Variants in ITGAE observed in about 807,000 individuals in gnomAD.
The protein encoded by ITGAE is integrin subunit alpha E, also known as integrin alpha-E.
ITGAE carries 99 observed loss-of-function variants against 136.5 expected under a neutral mutation model. That is an observed-to-expected ratio of 0.73 (90% CI 0.62 to 0.86). ITGAE has a LOEUF of 0.86. Ranked by LOEUF, ITGAE falls within the 40% of genes least tolerant of loss-of-function variation. The pLI is 0.00. For synonymous variants in ITGAE, 613 were observed against 591.8 expected, an observed-to-expected ratio of 1.04 and a Z score of -0.52; for missense variants, 1,447 against 1,515.3, an observed-to-expected ratio of 0.95 and a Z score of 0.75.
At chr17:3,763,098 G>A (rs534611663) in intron 3 of ITGAE, among the ~76,000 whole-genome samples, 1 of 152,054 alleles carries the variant, frequency 6.6e-6, no homozygotes, top group Non-Finnish European at 1.5e-5. Flanking sequence ...TCATCATATT[G>A]GCCAGGCTGG....
At chr17:3,740,969 G>A (rs1388696527) in intron 19 of ITGAE, among the ~76,000 whole-genome samples, 1 of 152,154 alleles carries the variant, frequency 6.6e-6, no homozygotes, top group African/African-American at 2.4e-5. Context: ...GCTTGAAAGG[G>A]AACTTTCTAC....
Position 3,748,020 on chromosome 17 carries a change from A to G in ITGAE, c.2057T>C (p.Met686Thr). The change falls in exon 17 of 31, where the codon ATG becomes ACG. Residue 686 changes from methionine (M) to threonine (T), a missense_variant. Physicochemically the swap from Met to Thr is moderately conservative, Grantham distance 81. Coordinates refer to ENST00000263087, the MANE Select transcript of ITGAE (RefSeq NM_002208.5). ...GGGCAGTGCGCTGGGGGTGAAGGCC[A>G]TGGAGACCTTCAGGCGAACCACAGG... is the stretch of plus-strand genomic sequence containing the variant. ...SRPVVRLKVS[M>T]AFTPSALPIG... The G allele has an allele frequency of 1.2e-6, 2 of 1,611,952 alleles. No homozygotes were observed. The highest frequency in any genetic ancestry group is 1.7e-6 in the Non-Finnish European group (2 of 1,178,692).
chr17:3,743,202 A>C (rs2051627475), intron 19 of ITGAE, among the ~76,000 whole-genome samples: 1 of 152,244 alleles, frequency 6.6e-6, no homozygotes, highest in African/African-American at 2.4e-5. Context: ...GATGCAATGT[A>C]TGCATGTGCC....
chr17:3,725,525 G>A, intron 26 of ITGAE: 1 of 1,614,186 alleles, frequency 6.2e-7, no homozygotes, highest in Non-Finnish European at 8.5e-7. Context: ...AAACCTTTGA[G>A]GAAATCCTGC....
At chr17:3,791,624 A>G (rs1300383576) in intron 1 of ITGAE, among the ~76,000 whole-genome samples, 2 of 152,102 alleles carry the variant, frequency 1.3e-5, no homozygotes, top group East Asian at 3.9e-4. Flanking sequence ...GTTTTTTGGG[A>G]GTGAAATGAC....
chr17:3,724,738 A>C (rs1202976980), intron 26 of ITGAE: 1 of 1,614,202 alleles, frequency 6.2e-7, no homozygotes, highest in Admixed American at 1.7e-5. Flanking sequence ...AATATGAGAG[A>C]GTCCTGCTGT....
At chr17:3,739,527 CG>C (rs1272568312) in intron 20 of ITGAE, among the ~76,000 whole-genome samples, 1 of 152,132 alleles carries the variant, frequency 6.6e-6, no homozygotes, top group Non-Finnish European at 1.5e-5. Context: ...TAGCATTGTC[CG>C]GGATGTCAAG....
chr17:3,796,617 T>A (rs992893295), intron 1 of ITGAE, among the ~76,000 whole-genome samples: 1 of 151,840 alleles, frequency 6.6e-6, no homozygotes, highest in African/African-American at 2.4e-5. Context: ...TCCCGTGTTG[T>A]CTGACTTACA....
chr17:3,728,551 T>A (rs1266825711), intron 24 of ITGAE: 1 of 180,112 alleles, frequency 5.6e-6, no homozygotes, highest in Non-Finnish European at 1.2e-5. Flanking sequence ...TTTCATATTT[T>A]CAGTAGAGAC....
At chr17:3,727,621 G>A (rs373215933) in intron 26 of ITGAE, among the ~76,000 whole-genome samples, 6 of 151,958 alleles carry the variant, frequency 3.9e-5, no homozygotes, top group East Asian at 1.9e-4. Context: ...GGATGGTCTC[G>A]ATCTGCTGAC....
Position 3,769,952 on chromosome 17 carries a change from C to T in ITGAE, c.156-5992G>A, listed in dbSNP as rs533293651. 2.6e-5 allele frequency among the ~76,000 whole-genome samples: 4 copies of T among 152,176 alleles called. No individual in the cohort carries two copies. In the South Asian group the frequency reaches 8.3e-4, roughly 32 times the overall value. On this transcript the variant is annotated intron_variant, in intron 2 of 30. Coordinates refer to ENST00000263087, the MANE Select transcript of ITGAE (RefSeq NM_002208.5). ...AGGTGATCTGCCTGCCTTGGCCTTC[C>T]AAAGTGCTGAGACTACAGGCACGAG... is the stretch of plus-strand genomic sequence containing the variant.
intron 1 of ITGAE, among the ~76,000 whole-genome samples, chr17:3,788,253 AT>A (rs1042536768): frequency 4.0e-5 from 6 of 150,946 alleles, no homozygotes; most frequent in African/African-American, 9.7e-5. Context: ...TTCAAAAAAA[AT>A]TTTTTTAGCC....
In ITGAE at chr17:3,761,168, A is replaced by G; in HGVS notation, c.443T>C (p.Leu148Pro). Residue 148 changes from leucine to proline, a missense_variant, in exon 6 of 31, where the codon CTG (leucine) becomes CCG (proline). Leu to Pro is a moderately conservative substitution (Grantham distance 98, BLOSUM62 -3). Transcript: ENST00000263087. ...QANFFDLENL[L>P]DPDARVDTGD... ...AGTGTCCACACGTGCATCTGGATCC[A>G]GGAGATTTTCTTTAAAAACACACAT... 6.3e-7 allele frequency: 1 copy of G among 1,595,048 alleles called. No homozygotes were observed. Among genetic ancestry groups the G allele is most frequent in the Non-Finnish European group, 8.6e-7 (1 of 1,169,248 alleles).
At chr17:3,767,877 G>GA (rs1381769381) in intron 2 of ITGAE, among the ~76,000 whole-genome samples, 1 of 152,144 alleles carries the variant, frequency 6.6e-6, no homozygotes, top group African/African-American at 2.4e-5. Flanking sequence ...GTCTTCCAAA[G>GA]TGTCAGAGAA....
At position 3,731,108 on chromosome 17, in the gene ITGAE, T is replaced by G; in HGVS notation, c.2830A>C (p.Thr944Pro). The G allele has an allele frequency of 6.2e-7, 1 of 1,612,750 alleles. No homozygotes were observed. Among genetic ancestry groups the G allele is most frequent in the Non-Finnish European group, 8.5e-7 (1 of 1,178,942 alleles). ...NRTADITVTV[T>P]NSNERRSLAN... ...TGTGACCCAGGCAGTACTTACTTGG[T>G]GACAGTCACAGTGATGTCTGCTGTC... is the stretch of plus-strand genomic sequence containing the variant. Residue 944 changes from threonine (T) to proline (P), a missense_variant, in exon 23 of 31, where the codon ACC becomes CCC. By Grantham distance (38) the Thr-to-Pro change is conservative. Around this residue, in one of 3 missense-constraint regions of ITGAE, gnomAD observed 1,031 missense variants for 1,011.4 expected, o/e 1.02. Coordinates refer to ENST00000263087, the MANE Select transcript of ITGAE (RefSeq NM_002208.5).
chr17:3,724,278 C>T (rs1271438702), intron 26 of ITGAE: 4 of 1,589,250 alleles, frequency 2.5e-6, no homozygotes, highest in Admixed American at 1.7e-5. Context: ...GACCCCAAGA[C>T]GCCTGGGGCT....
rs982307003 is a variant in ITGAE at position 3,798,312 on chromosome 17, G to A, written c.34+2799C>T. ...CAGGGGCTGGGATAGGGGTGGCCTC[G>A]CCTCTGCCCGCACCTCCAGGGCCCA... is the stretch of plus-strand genomic sequence containing the variant. On this transcript the variant is annotated intron_variant, in intron 1 of 30. Coordinates refer to ENST00000263087, the MANE Select transcript of ITGAE (RefSeq NM_002208.5). The surrounding 1 kb of genome is among the most constrained non-coding windows in gnomAD (Gnocchi z 4.3). Among the ~76,000 whole-genome samples, 6 of 152,230 alleles carry A rather than the reference G, an allele frequency of 3.9e-5. No homozygotes were observed. The highest frequency in any genetic ancestry group is 7.4e-5 in the Non-Finnish European group (5 of 67,992).
chr17:3,715,661 T>C (rs1315803438), intron 30 of ITGAE, among the ~76,000 whole-genome samples: 3 of 152,118 alleles, frequency 2.0e-5, no homozygotes, highest in East Asian at 3.8e-4. Flanking sequence ...GAGACCAGCC[T>C]GGGCAATATA....
At chr17:3,725,693 T>C (rs143410089) in intron 26 of ITGAE, 3 of 1,579,532 alleles carry the variant, frequency 1.9e-6, no homozygotes, top group Non-Finnish European at 2.6e-6. Context: ...CCAAAGGCTC[T>C]GCAAATGACC....
Sources: allele counts gnomAD v4.1 joint callset (sites outside exome capture counted in the v4.1 genomes callset), GRCh38; gene constraint gnomAD v4.1.1; regional missense constraint gnomAD v4.1.1; non-coding constraint Gnocchi (gnomAD v3.1); transcripts MANE v1.5; gene names NCBI Gene and HGNC (gene_info 2026-07-23, HGNC 2026-07-21).